The following SLC44A5 variants were observed in gnomAD, a reference collection of about 807,000 sequenced individuals.
SLC44A5 encodes solute carrier family 44 member 5, also known as choline transporter-like protein 5.
In SLC44A5, 57 loss-of-function variants were observed where a neutral mutation model predicts 101.8. The ratio of observed to expected loss-of-function variants is 0.56; its 90% CI spans 0.45 to 0.70. The LOEUF is 0.70. Ranked by LOEUF, SLC44A5 falls within the 30% of genes least tolerant of loss-of-function variation. The probability of loss-of-function intolerance (pLI) is 0.00; values close to 1 mark genes in which losing one functional copy is unlikely to be tolerated. For missense variants in SLC44A5, 737 were observed against 853.1 expected (o/e 0.86, Z 1.70); for synonymous variants, 281 against 290.9 (o/e 0.97, Z 0.35).
chr1:75,375,597 C>T (rs1660526109), intron 3 of SLC44A5, among the ~76,000 whole-genome samples: 1 of 87,452 alleles, frequency 1.1e-5, no homozygotes, highest in African/African-American at 7.4e-5. Context: ...AGGGTCATAT[C>T]ACTTTTCTAT....
In SLC44A5 at chr1:75,384,318, C is replaced by T. The variant is rs1341117255; in HGVS notation, c.52+12265G>A. On this transcript the variant is annotated intron_variant, in intron 3 of 23. Transcript: ENST00000370859. ...TGCTGTATTCAGGAAACCCATCTCA[C>T]GTGCAGAGACACACATAGGCTCAAA... Among the ~76,000 whole-genome samples the T allele has an allele frequency of 2.5e-3, 370 of 149,842 alleles. 2 individuals carry two copies. The highest frequency in any genetic ancestry group is 8.5e-3 in the African/African-American group (349 of 40,842).
the SLC44A5 span, among the ~76,000 whole-genome samples, chr1:75,679,767 A>G: frequency 6.6e-6 from 1 of 152,140 alleles, no homozygotes; most frequent in Non-Finnish European, 1.5e-5. Context: ...TAACACTATT[A>G]ACTTTAAATG....
intron 2 of SLC44A5, among the ~76,000 whole-genome samples, chr1:75,509,804 TTAAAG>T (rs1245065295): frequency 6.6e-6 from 1 of 152,166 alleles, no homozygotes; most frequent in Non-Finnish European, 1.5e-5. Flanking sequence ...GGGCTTACAA[TTAAAG>T]TATAGTATTT....
the SLC44A5 span, among the ~76,000 whole-genome samples, chr1:75,676,718 T>A: frequency 2.0e-5 from 3 of 152,088 alleles, no homozygotes; most frequent in Non-Finnish European, 2.9e-5. Flanking sequence ...AAAGGTATAG[T>A]AACAAAACTT....
intron 3 of SLC44A5, chr1:75,357,183 G>A (rs562984532): frequency 2.6e-5 from 12 of 455,628 alleles, no homozygotes; most frequent in Admixed American, 1.4e-4. Context: ...AAGAATTAAC[G>A]TTATGCCTTT....
At chr1:75,573,471 T>C (rs1673194821) in intron 1 of SLC44A5, among the ~76,000 whole-genome samples, 1 of 152,226 alleles carries the variant, frequency 6.6e-6, no homozygotes, top group Non-Finnish European at 1.5e-5. Flanking sequence ...TAAATTCTTC[T>C]GTATTGTTTG....
chr1:75,681,559 T>G, the SLC44A5 span, among the ~76,000 whole-genome samples: 1 of 151,054 alleles, frequency 6.6e-6, no homozygotes, highest in African/African-American at 2.4e-5. Flanking sequence ...ATTCAACAAC[T>G]CTTCATGCTA....
rs754629375 is a variant in SLC44A5, at chr1:75,213,810, G to A, written c.1874-17C>T. 3.1e-6 allele frequency: 5 copies of A among 1,589,250 alleles called. No individual in the cohort carries two copies. In the East Asian group the frequency reaches 9.0e-5, roughly 28 times the overall value. On this transcript the variant is annotated splice_polypyrimidine_tract_variant and intron_variant, in intron 21 of 23. Coordinates refer to ENST00000370859, the MANE Select transcript of SLC44A5 (RefSeq NM_001130058.2). Reference sequence around the variant, plus strand: ...CCAGAACACCTACATTGAAAAGGTAGAACATGTATATTATACTTTTGCAAA... The same window carrying A: ...CCAGAACACCTACATTGAAAAGGTAAAACATGTATATTATACTTTTGCAAA...
rs559209149 is a variant in SLC44A5, at chr1:75,476,087, G to T, written c.13+65348C>A. ...AATCCCAACTACTCAGGAGGCTGAGGCATGAGAATCGCTTGAACCCGGGAG... is the reference window on the plus strand; with the variant it reads ...AATCCCAACTACTCAGGAGGCTGAGTCATGAGAATCGCTTGAACCCGGGAG... On this transcript the variant is annotated intron_variant, in intron 2 of 23. Transcript: ENST00000370859. 2.0e-5 allele frequency among the ~76,000 whole-genome samples: 3 copies of T among 152,194 alleles called. No homozygotes were observed. In the East Asian group the frequency reaches 5.8e-4, roughly 30 times the overall value.
At chr1:75,326,781 A>T (rs1656631469) in intron 4 of SLC44A5, among the ~76,000 whole-genome samples, 1 of 152,116 alleles carries the variant, frequency 6.6e-6, no homozygotes. Context: ...TAAATTATGG[A>T]TAATCCATAT....
the SLC44A5 span, among the ~76,000 whole-genome samples, chr1:75,699,981 T>C: frequency 6.6e-6 from 1 of 152,014 alleles, no homozygotes; most frequent in Non-Finnish European, 1.5e-5. Context: ...ATGCACCCAA[T>C]ACAGGAGCAC....
At chr1:75,697,821 G>A in the SLC44A5 span, among the ~76,000 whole-genome samples, 1 of 152,200 alleles carries the variant, frequency 6.6e-6, no homozygotes, top group Admixed American at 6.5e-5. Context: ...GAAGCAGGGC[G>A]AGGCATTGCC....
intron 2 of SLC44A5, 104 bp downstream of exon 2, chr1:75,541,331 G>A (rs1018725401): frequency 4.6e-6 from 4 of 874,474 alleles, no homozygotes; most frequent in Admixed American, 4.0e-5. Flanking sequence ...TGACAACATA[G>A]TATATACTCA....
chr1:75,369,017 T>G (rs955212657), intron 3 of SLC44A5, among the ~76,000 whole-genome samples: 3 of 40,330 alleles, frequency 7.4e-5, no homozygotes, highest in African/African-American at 2.0e-4. Flanking sequence ...CTTTCTCACA[T>G]TTTTTTTTTT....
At chr1:75,420,843 G>C (rs572611592) in intron 2 of SLC44A5, among the ~76,000 whole-genome samples, 1 of 152,198 alleles carries the variant, frequency 6.6e-6, no homozygotes, top group South Asian at 2.1e-4. Context: ...TCTCTGTCAA[G>C]TGAAAACGTT....
the SLC44A5 span, among the ~76,000 whole-genome samples, chr1:75,654,248 G>T: frequency 6.6e-6 from 1 of 152,082 alleles, no homozygotes; most frequent in African/African-American, 2.4e-5. Context: ...ATTATAAAAG[G>T]TTCTCGCTTT....
intron 2 of SLC44A5, among the ~76,000 whole-genome samples, chr1:75,523,708 T>G (rs1670268766): frequency 6.6e-6 from 1 of 152,224 alleles, no homozygotes; most frequent in South Asian, 2.1e-4. Flanking sequence ...CTGCACATTT[T>G]CCTAAACCAG....
chr1:75,256,335 A>G (rs1008430107), intron 6 of SLC44A5, among the ~76,000 whole-genome samples: 1 of 152,132 alleles, frequency 6.6e-6, no homozygotes, highest in East Asian at 1.9e-4. Flanking sequence ...GAGATGGCAG[A>G]AAAGCACATT....
At chr1:75,473,983 T>C (rs971780191) in intron 2 of SLC44A5, among the ~76,000 whole-genome samples, 11 of 152,322 alleles carry the variant, frequency 7.2e-5, no homozygotes, top group Non-Finnish European at 8.8e-5. Context: ...TGCACATACA[T>C]GACATATAGA....
Sources: allele counts gnomAD v4.1 joint callset (sites outside exome capture counted in the v4.1 genomes callset), GRCh38; gene constraint gnomAD v4.1.1; transcripts MANE v1.5; gene names NCBI Gene and HGNC (gene_info 2026-07-23, HGNC 2026-07-21).